The following ZSCAN5A variants were observed in gnomAD, a reference collection of about 807,000 sequenced individuals.
ZSCAN5A encodes the protein zinc finger and SCAN domain containing 5A.
ZSCAN5A carries 12 observed loss-of-function variants against 23.7 expected under a neutral mutation model. The observed-to-expected ratio is 0.51, with a 90% CI of 0.32 to 0.82. ZSCAN5A has a LOEUF of 0.82. ZSCAN5A is among the 40% of genes least tolerant of loss of function. The pLI, the probability that ZSCAN5A is intolerant of heterozygous loss-of-function variation, is 0.03. For synonymous variants in ZSCAN5A, 257 were observed against 239.9 expected (o/e 1.07, Z -0.66); for missense variants, 597 against 617.9 (o/e 0.97, Z 0.36).
chr19:56,327,646 CA>C (rs1235727730), intron 2 of ZSCAN5A, among the ~76,000 whole-genome samples: 1 of 151,230 alleles, frequency 6.6e-6, no homozygotes, highest in Non-Finnish European at 1.5e-5. Context: ...TAAGTGCATG[CA>C]TATCTTATAC....
At chr19:56,284,336 T>C (rs962536451) in intron 2 of ZSCAN5A, 1 of 217,922 alleles carries the variant, frequency 4.6e-6, no homozygotes, top group African/African-American at 2.4e-5. Flanking sequence ...GATAAAAATA[T>C]GGTGCAAGGA....
chr19:56,295,508 T>C (rs1781440396), intron 2 of ZSCAN5A, among the ~76,000 whole-genome samples: 1 of 151,892 alleles, frequency 6.6e-6, no homozygotes, highest in African/African-American at 2.4e-5. Flanking sequence ...GGCAGGAGAA[T>C]CGCTTGAACC....
rs1011275134 is a variant in ZSCAN5A at position 56,282,576 on chromosome 19, C to T, written c.-128+30707G>A. On this transcript the variant is annotated intron_variant, in intron 2 of 5. Coordinates refer to ENST00000683990, the MANE Select transcript of ZSCAN5A (RefSeq NM_001322064.3). ...AAAAGGGATCATTGCTGCTGAACTT[C>T]GACTTACGTTTCTTCTCTGGTCTGT... The T allele has an allele frequency of 1.6e-4, 143 of 893,100 alleles. 1 individual carries two copies. Among genetic ancestry groups the T allele is most frequent in the Admixed American group, 5.0e-4 (8 of 16,136 alleles). 55.3% of individuals were successfully genotyped at this position (893,100 alleles called of 1,614,324 possible). A position where few individuals can be genotyped will look rare whatever the true frequency, so the allele number is the denominator to read the frequency against.
rs916095209 is a variant in ZSCAN5A at position 56,225,307 on chromosome 19, T to C, written c.-127-134A>G. ...CACAGTGGAAATCTTCCAGTGTCTA[T>C]ACCTGACTACATACTCTGGTTTAAA... On this transcript the variant is annotated intron_variant, in intron 2 of 5. Coordinates refer to ENST00000683990, the MANE Select transcript of ZSCAN5A (RefSeq NM_001322064.3). 23 of 724,852 alleles carry C rather than the reference T, an allele frequency of 3.2e-5. No homozygotes were observed. In the East Asian group the frequency reaches 6.0e-4, roughly 19 times the overall value. The allele number at this position is 724,852 out of a possible 1,614,324, so 44.9% of individuals were successfully genotyped here.
At chr19:56,320,115 C>T in intron 2 of ZSCAN5A, 1 of 763,954 alleles carries the variant, frequency 1.3e-6, no homozygotes. Context: ...ATTTCAGAGC[C>T]ATCTGTTAAC....
At chr19:56,238,496 G>A (rs2035168513) in intron 2 of ZSCAN5A, among the ~76,000 whole-genome samples, 1 of 152,142 alleles carries the variant, frequency 6.6e-6, no homozygotes, top group Admixed American at 6.5e-5. Context: ...GCCAAGTGTG[G>A]TGGTGCTTGC....
intron 2 of ZSCAN5A, chr19:56,312,496 AGAG>A (rs2041102196): frequency 6.6e-6 from 1 of 152,284 alleles, no homozygotes; most frequent in Non-Finnish European, 1.5e-5. Flanking sequence ...GCTGCAGATC[AGAG>A]GAGGGCAGGA....
At chr19:56,262,899 T>C (rs1040113374) in intron 2 of ZSCAN5A, among the ~76,000 whole-genome samples, 2 of 152,250 alleles carry the variant, frequency 1.3e-5, no homozygotes, top group African/African-American at 4.8e-5. Flanking sequence ...CCAACGTTTA[T>C]CTATATGGGT....
intron 2 of ZSCAN5A, among the ~76,000 whole-genome samples, chr19:56,249,009 T>G (rs1305211236): frequency 1.3e-5 from 2 of 152,044 alleles, no homozygotes; most frequent in Non-Finnish European, 2.9e-5. Flanking sequence ...ATATTTTCAC[T>G]GCCCCCCCCG....
intron 2 of ZSCAN5A, among the ~76,000 whole-genome samples, chr19:56,251,670 G>C (rs914831983): frequency 6.6e-6 from 1 of 152,158 alleles, no homozygotes; most frequent in African/African-American, 2.4e-5. Flanking sequence ...CTTCCAGCAG[G>C]TGATTGTGTT....
chr19:56,262,415 T>TTTTTTTGTTTTTTTG (rs111892177), intron 2 of ZSCAN5A, among the ~76,000 whole-genome samples: 1 of 151,742 alleles, frequency 6.6e-6, no homozygotes, highest in African/African-American at 2.4e-5. Flanking sequence ...TCTAATTTTT[T>TTTTTTTGTTTTTTTG]TTTTTTTGTT....
intron 2 of ZSCAN5A, among the ~76,000 whole-genome samples, chr19:56,256,352 C>T (rs1362249106): frequency 6.6e-6 from 1 of 152,028 alleles, no homozygotes; most frequent in African/African-American, 2.4e-5. Flanking sequence ...ACCACCACAC[C>T]CGGCTAATCT....
At chr19:56,265,205 G>A (rs556409614) in intron 2 of ZSCAN5A, among the ~76,000 whole-genome samples, 8 of 151,742 alleles carry the variant, frequency 5.3e-5, no homozygotes, top group African/African-American at 1.9e-4. Context: ...GGAGACACAT[G>A]GGCTTATTTC....
At chr19:56,228,720 C>T (rs2146459726) in intron 2 of ZSCAN5A, among the ~76,000 whole-genome samples, 1 of 152,114 alleles carries the variant, frequency 6.6e-6, no homozygotes, top group East Asian at 1.9e-4. Flanking sequence ...AAGAGACAGT[C>T]TTTGTTGATA....
At chr19:56,299,019 G>A (rs1238038194) in intron 2 of ZSCAN5A, among the ~76,000 whole-genome samples, 1 of 152,036 alleles carries the variant, frequency 6.6e-6, no homozygotes, top group Non-Finnish European at 1.5e-5. Flanking sequence ...ATGCGACAAT[G>A]GTTTAATAGG....
intron 2 of ZSCAN5A, among the ~76,000 whole-genome samples, chr19:56,248,176 A>G (rs2036086588): frequency 6.6e-6 from 1 of 152,062 alleles, no homozygotes; most frequent in Admixed American, 6.6e-5. Flanking sequence ...TTTTAGTATC[A>G]GCTTGTTCTA....
chr19:56,222,860 G>T, intron 4 of ZSCAN5A, 119 bp from the exon 5 acceptor site: 1 of 1,401,940 alleles, frequency 7.1e-7, no homozygotes, highest in Non-Finnish European at 9.9e-7. Flanking sequence ...GTGGAAATAC[G>T]TGCAGACTTC....
At chr19:56,246,473 A>G (rs1385776705) in intron 2 of ZSCAN5A, 1 of 625,254 alleles carries the variant, frequency 1.6e-6, no homozygotes, top group Admixed American at 2.6e-5. Context: ...CCTAGTGAGT[A>G]TGAAGACTTG....
intron 2 of ZSCAN5A, chr19:56,285,111 G>T (rs531057075): frequency 3.9e-5 from 26 of 674,268 alleles, no homozygotes; most frequent in South Asian, 3.3e-4. Context: ...ATGCTTTTAG[G>T]TAGAGTCTAA....
Sources: allele counts gnomAD v4.1 joint callset (sites outside exome capture counted in the v4.1 genomes callset), GRCh38; gene constraint gnomAD v4.1.1; transcripts MANE v1.5; gene names NCBI Gene and HGNC (gene_info 2026-07-23, HGNC 2026-07-21).